The following SLC35F3 variants were observed in gnomAD, a reference collection of about 807,000 sequenced individuals.
SLC35F3 encodes solute carrier family 35 member F3, also known as putative thiamine transporter SLC35F3.
Under a neutral mutation model 49.9 loss-of-function variants are expected in SLC35F3, and 25 were observed. The observed-to-expected ratio is 0.50, with a 90% CI of 0.37 to 0.70. The LOEUF is 0.70. Ranked by LOEUF, SLC35F3 falls within the 30% of genes least tolerant of loss-of-function variation. The pLI, the probability that SLC35F3 is intolerant of heterozygous loss-of-function variation, is 0.00. For missense variants in SLC35F3, 525 were observed against 639.8 expected, an observed-to-expected ratio of 0.82 and a Z score of 1.94; for synonymous variants, 275 against 265.4, an observed-to-expected ratio of 1.04 and a Z score of -0.35.
At chr1:234,135,108 G>T (rs1038335833) in intron 2 of SLC35F3, among the ~76,000 whole-genome samples, 1 of 152,178 alleles carries the variant, frequency 6.6e-6, no homozygotes. Flanking sequence ...ATCAGGGAAG[G>T]CCTCTGTAAT....
chr1:234,172,706 T>C (rs1316810377), intron 2 of SLC35F3, among the ~76,000 whole-genome samples: 1 of 152,146 alleles, frequency 6.6e-6, no homozygotes, highest in Non-Finnish European at 1.5e-5. Context: ...GGCTACAAAC[T>C]GGTACAGCAT....
chr1:234,170,807 C>CGGT (rs1666390352), intron 2 of SLC35F3, among the ~76,000 whole-genome samples: 1 of 151,912 alleles, frequency 6.6e-6, no homozygotes. Context: ...AAGTACTTAA[C>CGGT]GGTTGCACGA....
intron 2 of SLC35F3, among the ~76,000 whole-genome samples, chr1:234,100,895 C>T (rs534108456): frequency 1.3e-5 from 2 of 152,240 alleles, no homozygotes; most frequent in East Asian, 1.9e-4. Flanking sequence ...ATTCATGCCT[C>T]GATTGCATAT....
chr1:234,310,955 C>T (rs895159805), intron 4 of SLC35F3, among the ~76,000 whole-genome samples: 4 of 152,174 alleles, frequency 2.6e-5, no homozygotes, highest in Admixed American at 6.5e-5. Flanking sequence ...TGGCACATTC[C>T]GGCCATGGTG....
At chr1:234,079,847 A>C (rs991699911) in intron 2 of SLC35F3, among the ~76,000 whole-genome samples, 5 of 152,224 alleles carry the variant, frequency 3.3e-5, no homozygotes, top group Non-Finnish European at 4.4e-5. Flanking sequence ...TATAAAAAAC[A>C]GTTTGACAGT....
At chr1:234,255,451 T>G (rs778598297) in intron 3 of SLC35F3, among the ~76,000 whole-genome samples, 1 of 152,248 alleles carries the variant, frequency 6.6e-6, no homozygotes, top group Non-Finnish European at 1.5e-5. Context: ...TGGTGTTTTC[T>G]TACAGAACTA....
At chr1:234,045,285 G>A (rs1236860700) in intron 2 of SLC35F3, among the ~76,000 whole-genome samples, 5 of 152,076 alleles carry the variant, frequency 3.3e-5, no homozygotes, top group African/African-American at 1.2e-4. Context: ...AATAGAATCA[G>A]ATTGTATTTA....
intron 2 of SLC35F3, among the ~76,000 whole-genome samples, chr1:234,156,940 T>C (rs1432545516): frequency 6.6e-6 from 1 of 152,066 alleles, no homozygotes; most frequent in Non-Finnish European, 1.5e-5. Flanking sequence ...AGTAGATTAG[T>C]AGTTGCCTAG....
chr1:234,291,635 C>A (rs1036748892), intron 3 of SLC35F3, among the ~76,000 whole-genome samples: 1 of 152,132 alleles, frequency 6.6e-6, no homozygotes, highest in Non-Finnish European at 1.5e-5. Flanking sequence ...CACTCTGTTG[C>A]CCAGGCTGGT....
chr1:233,965,758 G>A (rs557815426), intron 2 of SLC35F3, among the ~76,000 whole-genome samples: 10 of 152,312 alleles, frequency 6.6e-5, no homozygotes, highest in African/African-American at 2.2e-4. Flanking sequence ...AAGACCCTGA[G>A]CAGAAGACCC....
Position 233,929,570 on chromosome 1 carries a change from A to G in SLC35F3, c.283+23812A>G, listed in dbSNP as rs367591456. 1.4e-3 allele frequency among the ~76,000 whole-genome samples: 213 copies of G among 152,294 alleles called. 1 individual carries two copies. Among genetic ancestry groups the G allele is most frequent in the Middle Eastern group, 6.8e-3 (2 of 294 alleles). ...TCATTTCTTTTAGTACATTGACTAAAAATATATTGACTAAATCTCTTTGGA... is the reference window on the plus strand; with the variant it reads ...TCATTTCTTTTAGTACATTGACTAAGAATATATTGACTAAATCTCTTTGGA... On this transcript the variant is annotated intron_variant, in intron 2 of 7. Transcript: ENST00000366618.
chr1:234,129,465 A>T (rs1030019540), intron 2 of SLC35F3, among the ~76,000 whole-genome samples: 2 of 152,344 alleles, frequency 1.3e-5, no homozygotes, highest in East Asian at 1.9e-4. Flanking sequence ...AAATGAAAAG[A>T]TACACCATGT....
At chr1:234,007,842 A>C (rs1663654893) in intron 2 of SLC35F3, among the ~76,000 whole-genome samples, 1 of 152,218 alleles carries the variant, frequency 6.6e-6, no homozygotes. Context: ...ATTTCCCAGG[A>C]ATATGTACAT....
intron 3 of SLC35F3, among the ~76,000 whole-genome samples, chr1:234,284,351 T>A (rs1668377325): frequency 6.6e-6 from 1 of 152,246 alleles, no homozygotes; most frequent in Non-Finnish European, 1.5e-5. Context: ...CTGACTTCTA[T>A]GTCTATGCAC....
intron 2 of SLC35F3, among the ~76,000 whole-genome samples, chr1:234,202,171 T>G (rs571664908): frequency 2.3e-4 from 35 of 152,324 alleles, no homozygotes; most frequent in African/African-American, 7.7e-4. Flanking sequence ...AAACACCACA[T>G]GTTTCACTTA....
In SLC35F3 at chr1:234,191,629, C is replaced by A. The variant is rs528485824; in HGVS notation, c.284-39788C>A. Among the ~76,000 whole-genome samples the A allele has an allele frequency of 5.0e-3, 644 of 127,844 alleles. 3 individuals carry two copies. Among genetic ancestry groups the A allele is most frequent in the African/African-American group, 0.026 (594 of 22,952 alleles). 83.9% of individuals were successfully genotyped at this position (127,844 alleles called of 152,430 possible). On this transcript the variant is annotated intron_variant, in intron 2 of 7. Transcript: ENST00000366618. The stretch of plus-strand genomic sequence containing the variant: ...GAACTAAATGAAATTGAAACAACAA[C>A]AAAAAAAAATACGAAAGACAAATGA...
In SLC35F3 at chr1:234,227,392, C is replaced by CTT. The variant is rs369277069; in HGVS notation, c.284-4002_284-4001dup. Reference sequence around the variant, plus strand: ...TCCTTGAGGCACTGCCTCTTTCTTTCTTTTTTTTTTTTTTTTTTTTTTTTG... The same window carrying CTT: ...TCCTTGAGGCACTGCCTCTTTCTTTCTTTTTTTTTTTTTTTTTTTTTTTTTTG... On this transcript the variant is annotated intron_variant, in intron 2 of 7. Coordinates refer to ENST00000366618, the MANE Select transcript of SLC35F3 (RefSeq NM_173508.4). 7.3e-3 allele frequency among the ~76,000 whole-genome samples: 787 copies of CTT among 108,546 alleles called. 8 individuals are homozygous for CTT. The highest frequency in any genetic ancestry group is 0.015 in the East Asian group (28 of 1,846). The allele number at this position is 108,546 out of a possible 152,430, so 71.2% of individuals were successfully genotyped here. A position where few individuals can be genotyped will look rare whatever the true frequency, so the allele number is the denominator to read the frequency against.
intron 2 of SLC35F3, among the ~76,000 whole-genome samples, chr1:234,205,556 C>T (rs1332621986): frequency 6.6e-6 from 1 of 152,178 alleles, no homozygotes; most frequent in Non-Finnish European, 1.5e-5. Flanking sequence ...TGCTGGACTC[C>T]ACTAGGGCTC....
intron 2 of SLC35F3, among the ~76,000 whole-genome samples, chr1:234,119,040 C>A (rs555540825): frequency 6.6e-6 from 1 of 152,110 alleles, no homozygotes; most frequent in Non-Finnish European, 1.5e-5. Flanking sequence ...GAACCCATCA[C>A]ACCTCTTGAA....
Sources: gnomAD v4.1 joint callset for allele counts (sites outside exome capture counted in the v4.1 genomes callset) on GRCh38, gnomAD v4.1.1 for gene constraint, MANE v1.5 for transcripts, NCBI Gene and HGNC (gene_info 2026-07-23, HGNC 2026-07-21) for gene names.